Variants in PTPRG observed in about 807,000 individuals in gnomAD.
PTPRG encodes the protein protein tyrosine phosphatase receptor type G, also known as receptor-type tyrosine-protein phosphatase gamma.
Under a neutral mutation model 165.3 loss-of-function variants are expected in PTPRG, and 102 were observed. The observed-to-expected ratio is 0.62, with a 90% CI of 0.53 to 0.73. PTPRG has a LOEUF of 0.73. PTPRG is among the 30% of genes least tolerant of loss of function. The pLI, the probability that PTPRG is intolerant of heterozygous loss-of-function variation, is 0.00. For missense variants in PTPRG, 1,866 were observed against 1,861.4 expected (o/e 1.00, Z -0.05); for synonymous variants, 675 against 669.5 (o/e 1.01, Z -0.13).
chr3:62,207,068 G>C (rs1277471176), intron 12 of PTPRG, among the ~76,000 whole-genome samples: 1 of 152,130 alleles, frequency 6.6e-6, no homozygotes, highest in African/African-American at 2.4e-5. Context: ...GTTCAAGTCT[G>C]AAAATGGTGG....
intron 1 of PTPRG, among the ~76,000 whole-genome samples, chr3:61,611,965 T>C (rs1701182997): frequency 6.6e-6 from 1 of 152,218 alleles, no homozygotes; most frequent in Non-Finnish European, 1.5e-5. Flanking sequence ...ATTTTTGAGA[T>C]GGAGTCCTGC....
At chr3:61,584,404 T>TC (rs1427474929) in intron 1 of PTPRG, among the ~76,000 whole-genome samples, 1 of 152,174 alleles carries the variant, frequency 6.6e-6, no homozygotes, top group Non-Finnish European at 1.5e-5. Context: ...TCTGATTACC[T>TC]CCAGAGTTCC....
At chr3:61,874,186 G>A (rs939940685) in intron 2 of PTPRG, among the ~76,000 whole-genome samples, 4 of 152,074 alleles carry the variant, frequency 2.6e-5, no homozygotes, top group Admixed American at 6.6e-5. Flanking sequence ...GCCCTCCCCA[G>A]ACAGTATAAT....
intron 2 of PTPRG, among the ~76,000 whole-genome samples, chr3:61,985,965 G>A (rs145554380): frequency 3.3e-5 from 5 of 152,214 alleles, no homozygotes; most frequent in East Asian, 1.9e-4. Flanking sequence ...AGTGAAGAAC[G>A]AAAAGGAGTA....
chr3:61,654,956 A>AT lies in PTPRG; in HGVS notation c.85+92594dup, dbSNP rs1181180868. Among the ~76,000 whole-genome samples, 401 of 141,616 alleles carry AT rather than the reference A, an allele frequency of 2.8e-3. 1 individual carries two copies. The highest frequency in any genetic ancestry group is 8.5e-3 in the African/African-American group (327 of 38,444). 92.9% of individuals were successfully genotyped at this position (141,616 alleles called of 152,430 possible). On this transcript the variant is annotated intron_variant, in intron 1 of 29. Coordinates refer to ENST00000474889, the MANE Select transcript of PTPRG (RefSeq NM_002841.4). ...ACCACCATGCCCAGCTACTTTTTGT[A>AT]TTTTTTTTTTAGTAGAGACGGGGTT...
chr3:61,562,120 T>G lies in PTPRG; in HGVS notation c.-168T>G, dbSNP rs1575501834. 75 of 432,530 alleles carry G rather than the reference T, an allele frequency of 1.7e-4. No individual in the cohort carries two copies. The highest frequency in any genetic ancestry group is 7.5e-4 in the Middle Eastern group (1 of 1,332). The allele number at this position is 432,530 out of a possible 1,614,324, so 26.8% of individuals were successfully genotyped here. On this transcript the variant is annotated 5_prime_UTR_variant, in exon 1 of 30. Transcript: ENST00000474889. Reference sequence around the variant, plus strand: ...CTTTTTGAGATTTTCCGGGGGGCGCTCGGCGGCTTCCCGGATTCCAAGGGG... The same window carrying G: ...CTTTTTGAGATTTTCCGGGGGGCGCGCGGCGGCTTCCCGGATTCCAAGGGG...
chr3:62,160,520 C>T (rs906612832), intron 7 of PTPRG, among the ~76,000 whole-genome samples: 2 of 152,240 alleles, frequency 1.3e-5, no homozygotes, highest in African/African-American at 4.8e-5. Context: ...AACAAAATGG[C>T]AGCACTCTCG....
chr3:61,874,020 A>G (rs1238840553), intron 2 of PTPRG, among the ~76,000 whole-genome samples: 5 of 152,166 alleles, frequency 3.3e-5, no homozygotes, highest in Non-Finnish European at 7.3e-5. Flanking sequence ...TTGTATTATT[A>G]TAGTTTGATA....
Position 61,598,361 on chromosome 3 carries a change from C to A in PTPRG, c.85+35989C>A, listed in dbSNP as rs143961457. ...TTGAGAAGAACGGCTTTTCTTGCTT[C>A]AGTGAGGCAGCGCAGCTAGTGTCTG... On this transcript the variant is annotated intron_variant, in intron 1 of 29. Coordinates refer to ENST00000474889, the MANE Select transcript of PTPRG (RefSeq NM_002841.4). Among the ~76,000 whole-genome samples, 377 of 152,296 alleles carry A rather than the reference C, an allele frequency of 2.5e-3. 1 individual carries two copies. Among genetic ancestry groups the A allele is most frequent in the African/African-American group, 8.8e-3 (364 of 41,566 alleles).
chr3:62,275,859 T>G lies in PTPRG; in HGVS notation c.3466-14T>G. On this transcript the variant is annotated splice_polypyrimidine_tract_variant and intron_variant, in intron 23 of 29. Transcript: ENST00000474889. ...TATCTTTGAATGAAGACTAAAATGT[T>G]TTTTCTTTTTCAGCTGGTCACACAG... The G allele has an allele frequency of 6.3e-7, 1 of 1,582,228 alleles. No individual in the cohort carries two copies. Among genetic ancestry groups the G allele is most frequent in the Non-Finnish European group, 8.6e-7 (1 of 1,158,868 alleles).
intron 1 of PTPRG, chr3:61,743,162 T>C (rs1274456520): frequency 1.2e-5 from 11 of 941,924 alleles, no homozygotes; most frequent in Non-Finnish European, 1.8e-5. Context: ...TTTTTATCTT[T>C]TTTTGCTTCG....
At chr3:62,267,571 T>C (rs1182660148) in intron 18 of PTPRG, 79 bp downstream of exon 18, 3 of 1,518,110 alleles carry the variant, frequency 2.0e-6, no homozygotes, top group African/African-American at 1.4e-5. Context: ...ATTTTAATAC[T>C]GTACAGAGCT....
intron 2 of PTPRG, among the ~76,000 whole-genome samples, chr3:61,862,807 C>G (rs181558943): frequency 1.1e-4 from 17 of 151,966 alleles, no homozygotes; most frequent in African/African-American, 4.1e-4. Flanking sequence ...CTCTTGTTTT[C>G]TTAGTGTCTG....
chr3:61,887,357 C>G (rs2038080037), intron 2 of PTPRG, among the ~76,000 whole-genome samples: 1 of 151,864 alleles, frequency 6.6e-6, no homozygotes, highest in Admixed American at 6.6e-5. Flanking sequence ...GAGCTCTAGA[C>G]ATAGTGAAAA....
chr3:62,150,603 C>G (rs1704297173), intron 6 of PTPRG, among the ~76,000 whole-genome samples: 1 of 152,134 alleles, frequency 6.6e-6, no homozygotes, highest in Non-Finnish European at 1.5e-5. Flanking sequence ...CCTTGCATAA[C>G]ACCAGGCAGA....
intron 9 of PTPRG, among the ~76,000 whole-genome samples, chr3:62,194,632 G>C (rs1015906191): frequency 1.3e-5 from 2 of 151,988 alleles, no homozygotes; most frequent in Non-Finnish European, 2.9e-5. Flanking sequence ...GCAAAACCCC[G>C]TCTCTACTAA....
At chr3:61,703,022 G>A (rs569915573) in intron 1 of PTPRG, among the ~76,000 whole-genome samples, 32 of 152,268 alleles carry the variant, frequency 2.1e-4, no homozygotes, top group South Asian at 2.1e-3. Flanking sequence ...TAATTCATAC[G>A]GTGGGTGCAG....
chr3:62,174,966 C>CT (rs908337039), intron 8 of PTPRG, among the ~76,000 whole-genome samples: 2 of 151,986 alleles, frequency 1.3e-5, no homozygotes, highest in Non-Finnish European at 2.9e-5. Flanking sequence ...ATTTGTCATT[C>CT]TTTTTTTAAC....
chr3:62,080,319 G>A (rs905144569), intron 5 of PTPRG, among the ~76,000 whole-genome samples: 6 of 151,362 alleles, frequency 4.0e-5, no homozygotes, highest in African/African-American at 9.7e-5. Context: ...CACGTGATCC[G>A]CCTGCCTCGG....
Sources: gnomAD v4.1 joint callset for allele counts (sites outside exome capture counted in the v4.1 genomes callset) on GRCh38, gnomAD v4.1.1 for gene constraint, MANE v1.5 for transcripts, NCBI Gene and HGNC (gene_info 2026-07-23, HGNC 2026-07-21) for gene names.